Variants in DACH2 observed in about 807,000 individuals in gnomAD.
DACH2 encodes the protein dachshund family transcription factor 2.
A neutral mutation model predicts 35.8 loss-of-function variants in DACH2; 17 were observed. The ratio of observed to expected loss-of-function variants is 0.48; its 90% CI spans 0.33 to 0.71. The LOEUF is 0.71. Ranked by LOEUF, DACH2 falls within the 30% of genes least tolerant of loss-of-function variation. DACH2 has a pLI of 0.02. For synonymous variants in DACH2, 195 were observed against 177.3 expected, an observed-to-expected ratio of 1.10 and a Z score of -0.79; for missense variants, 469 against 472.7, an observed-to-expected ratio of 0.99 and a Z score of 0.07.
At chrX:86,287,854 G>A (rs1487391017) in intron 1 of DACH2, among the ~76,000 whole-genome samples, 11 of 112,024 alleles carry the variant, frequency 9.8e-5, no homozygotes, top group Non-Finnish European at 3.8e-5. Context: ...TATCTAAAAG[G>A]TCACATATCT....
intron 1 of DACH2, among the ~76,000 whole-genome samples, chrX:86,300,696 T>C (rs1192040572): frequency 8.9e-6 from 1 of 111,813 alleles, no homozygotes; most frequent in Non-Finnish European, 1.9e-5. Flanking sequence ...AATAAAAAAA[T>C]GTTTAGCCCA....
intron 7 of DACH2, among the ~76,000 whole-genome samples, chrX:86,756,045 T>TA (rs2041825577): frequency 9.0e-6 from 1 of 111,477 alleles, no homozygotes; most frequent in Non-Finnish European, 1.9e-5. Flanking sequence ...CAGTTGGCTA[T>TA]AAATGGGTGG....
intron 3 of DACH2, among the ~76,000 whole-genome samples, chrX:86,556,375 G>T (rs2039118701): frequency 9.0e-6 from 1 of 110,617 alleles, no homozygotes; most frequent in East Asian, 2.9e-4. Flanking sequence ...CTTTTGTGTA[G>T]ATGAGGAAAC....
intron 3 of DACH2, among the ~76,000 whole-genome samples, chrX:86,529,817 G>A (rs1303996331): frequency 9.0e-6 from 1 of 110,693 alleles, no homozygotes; most frequent in Middle Eastern, 4.2e-3. Context: ...AACATGTGAT[G>A]TTTGCCTTTC....
chrX:86,185,829 C>T (rs1302737760), intron 1 of DACH2, among the ~76,000 whole-genome samples: 1 of 111,853 alleles, frequency 8.9e-6, no homozygotes, highest in East Asian at 2.8e-4. Context: ...ATAGACATGG[C>T]TTTTATACTG....
intron 3 of DACH2, among the ~76,000 whole-genome samples, chrX:86,613,252 T>G (rs958325148): frequency 9.0e-6 from 1 of 111,440 alleles, no homozygotes; most frequent in African/African-American, 3.3e-5. Context: ...AATATATCTG[T>G]GTCTCTTAGA....
intron 2 of DACH2, among the ~76,000 whole-genome samples, chrX:86,394,776 G>T (rs1022297828): frequency 9.0e-6 from 1 of 111,108 alleles, no homozygotes; most frequent in Non-Finnish European, 1.9e-5. Context: ...ACATCATGTC[G>T]GTAAAGTGTT....
At chrX:86,284,857 A>G (rs2034113615) in intron 1 of DACH2, among the ~76,000 whole-genome samples, 1 of 110,298 alleles carries the variant, frequency 9.1e-6, no homozygotes, top group African/African-American at 3.3e-5. Context: ...CTTCTTCATG[A>G]TTCAATCTTG....
chrX:86,334,375 A>T (rs1257206179), intron 1 of DACH2, among the ~76,000 whole-genome samples: 6 of 111,945 alleles, frequency 5.4e-5, no homozygotes, highest in Non-Finnish European at 1.1e-4. Flanking sequence ...ACTTCCACTA[A>T]CAGTGTAAAA....
intron 3 of DACH2, among the ~76,000 whole-genome samples, chrX:86,526,366 T>C (rs2038632480): frequency 9.0e-6 from 1 of 111,621 alleles, no homozygotes; most frequent in African/African-American, 3.3e-5. Flanking sequence ...TAAAAATTGA[T>C]AGACAATAAG....
At chrX:86,167,280 A>G (rs1289007193) in intron 1 of DACH2, among the ~76,000 whole-genome samples, 2 of 110,917 alleles carry the variant, frequency 1.8e-5, no homozygotes, top group South Asian at 3.7e-4. Context: ...TTCTGTTTCA[A>G]TCTTGGTATG....
At chrX:86,155,583 C>T (rs1395086475) in intron 1 of DACH2, among the ~76,000 whole-genome samples, 1 of 110,744 alleles carries the variant, frequency 9.0e-6, no homozygotes, top group African/African-American at 3.3e-5. Context: ...AGAAACAATG[C>T]TGTCAATTGA....
chrX:86,339,495 T>A (rs1015154859), intron 1 of DACH2, among the ~76,000 whole-genome samples: 3 of 111,899 alleles, frequency 2.7e-5, no homozygotes, highest in Non-Finnish European at 5.6e-5. Flanking sequence ...TTGAGCACTT[T>A]AATATATTTT....
At chrX:86,179,282 A>G (rs1321636584) in intron 1 of DACH2, among the ~76,000 whole-genome samples, 1 of 112,426 alleles carries the variant, frequency 8.9e-6, no homozygotes, top group Non-Finnish European at 1.9e-5. Context: ...TCAGCCCCCC[A>G]GGCTGAAGAA....
intron 1 of DACH2, among the ~76,000 whole-genome samples, chrX:86,366,721 A>G (rs1405145477): frequency 1.8e-5 from 2 of 110,296 alleles, no homozygotes; most frequent in Admixed American, 1.9e-4. Flanking sequence ...TCCCTCATGA[A>G]TGGTGTGGTG....
intron 2 of DACH2, chrX:86,512,921 AAAG>A (rs2038415449): frequency 9.1e-6 from 3 of 330,015 alleles, no homozygotes; most frequent in Non-Finnish European, 1.8e-5. Context: ...AATCAAGTAG[AAAG>A]AAGGAGAGGA....
chrX:86,324,766 A>C (rs1160986844), intron 1 of DACH2, among the ~76,000 whole-genome samples: 1 of 108,025 alleles, frequency 9.3e-6, no homozygotes, highest in Non-Finnish European at 1.9e-5. Context: ...TTTAGTAGAA[A>C]TGGGGTTTCA....
intron 2 of DACH2, among the ~76,000 whole-genome samples, chrX:86,499,155 T>C (rs533713270): frequency 1.8e-5 from 2 of 112,446 alleles, no homozygotes; most frequent in South Asian, 7.3e-4. Context: ...TTTGAAGCTG[T>C]CTATCTTCAA....
chrX:86,587,512 C>T (rs2039589557), intron 3 of DACH2, among the ~76,000 whole-genome samples: 1 of 111,111 alleles, frequency 9.0e-6, no homozygotes, highest in African/African-American at 3.3e-5. Flanking sequence ...GGAATACTTC[C>T]AACTTTTGCA....
Sources: allele counts gnomAD v4.1 joint callset (sites outside exome capture counted in the v4.1 genomes callset), GRCh38; gene constraint gnomAD v4.1.1; transcripts MANE v1.5; gene names NCBI Gene and HGNC (gene_info 2026-07-23, HGNC 2026-07-21).